FLT3: variants seen among roughly 807,000 people sequenced by gnomAD.
FLT3 encodes the protein receptor-type tyrosine-protein kinase FLT3.
FLT3 carries 46 observed loss-of-function variants against 126.6 expected under a neutral mutation model. That is an observed-to-expected ratio of 0.36 (90% CI 0.29 to 0.46). The LOEUF (loss-of-function observed/expected upper bound fraction) is 0.46. Among genes scored for constraint, FLT3 ranks in the 20% least tolerant of loss-of-function variants. The probability of loss-of-function intolerance (pLI) is 1.00; values close to 1 mark genes in which losing one functional copy is unlikely to be tolerated. For missense variants in FLT3, 1,069 were observed against 1,190.3 expected (o/e 0.90, Z 1.50); for synonymous variants, 404 against 434.4 (o/e 0.93, Z 0.87).
chr13:28,032,427 T>C (rs187597325), intron 15 of FLT3, among the ~76,000 whole-genome samples: 1 of 152,166 alleles, frequency 6.6e-6, no homozygotes, highest in East Asian at 1.9e-4. Flanking sequence ...CTGGGCAACA[T>C]GGCGAAGCCC....
chr13:28,067,197 T>G (rs1593282874), intron 2 of FLT3, among the ~76,000 whole-genome samples: 1 of 28 alleles, frequency 0.036, no homozygotes, highest in Non-Finnish European at 0.062. Context: ...TTATTTTGTA[T>G]TTTTTAGCAG....
intron 3 of FLT3, 108 bp from the exon 4 acceptor site, chr13:28,057,570 G>GCACGGAAGCCGCTCTGTGGAGAACACA: frequency 9.1e-6 from 6 of 662,066 alleles, no homozygotes; most frequent in Non-Finnish European, 1.6e-5. Flanking sequence ...TCCCCGACTG[G>GCACGGAAGCCGCTCTGTGGAGAACACA]CACGGAAGCC....
At chr13:28,050,014 A>G in intron 6 of FLT3, 81 bp downstream of exon 6, 1 of 1,436,730 alleles carries the variant, frequency 7.0e-7, no homozygotes, top group Non-Finnish European at 9.6e-7. Context: ...TTGAATGATC[A>G]CCTACGCAGT....
At chr13:28,034,027 G>A (rs2137673951) in intron 14 of FLT3, 36 bp from the exon 15 acceptor site, 1 of 1,613,062 alleles carries the variant, frequency 6.2e-7, no homozygotes, top group Admixed American at 1.7e-5. Flanking sequence ...GCATTTTAAA[G>A]ATTTTCCAAT....
At chr13:28,028,093 GAGA>G in intron 16 of FLT3, 82 bp downstream of exon 16, 1 of 261,396 alleles carries the variant, frequency 3.8e-6, no homozygotes, top group South Asian at 5.2e-5. Context: ...ATTAAAAAGA[GAGA>G]GAGAGAGAGA....
chr13:28,065,535 G>A (rs929933555), intron 2 of FLT3, among the ~76,000 whole-genome samples: 5 of 152,192 alleles, frequency 3.3e-5, no homozygotes, highest in Non-Finnish European at 7.4e-5. Flanking sequence ...CTTGCTACCC[G>A]GGAGGCTGAG....
intron 1 of FLT3, among the ~76,000 whole-genome samples, chr13:28,091,348 A>C (rs1342928022): frequency 7.8e-4 from 112 of 144,442 alleles, no homozygotes; most frequent in African/African-American, 2.0e-3. Flanking sequence ...CAGCCTCCCG[A>C]GTAGCTGGGA....
At chr13:28,014,105 C>A (rs770900861) in intron 23 of FLT3, among the ~76,000 whole-genome samples, 105 of 151,946 alleles carry the variant, frequency 6.9e-4, no homozygotes, top group Non-Finnish European at 1.3e-3. Context: ...TACCCTATTT[C>A]TACAAAAAAT....
chr13:28,063,588 T>G (rs1876758294), intron 2 of FLT3, among the ~76,000 whole-genome samples: 1 of 152,244 alleles, frequency 6.6e-6, no homozygotes. Flanking sequence ...GAACACAGCA[T>G]GCACACATGC....
chr13:28,040,688 G>A lies in FLT3; in HGVS notation c.1206-3400C>T, dbSNP rs118012670. Among the ~76,000 whole-genome samples the A allele has an allele frequency of 4.0e-4, 61 of 152,292 alleles. 3 individuals are homozygous for A. In the East Asian group the frequency reaches 0.011, roughly 28 times the overall value. ...AATTCATCTCTCTGACCTATCAAAA[G>A]TTTCAGGCAGTTAAAAGTTGACCTT... On this transcript the variant is annotated intron_variant, in intron 9 of 23. Transcript: ENST00000241453.
At chr13:28,072,958 T>C (rs1162239356) in intron 1 of FLT3, among the ~76,000 whole-genome samples, 1 of 151,752 alleles carries the variant, frequency 6.6e-6, no homozygotes. Context: ...TGAGCCAAGA[T>C]CGTGCCACTG....
intron 1 of FLT3, among the ~76,000 whole-genome samples, chr13:28,091,453 C>T (rs1464035420): frequency 1.3e-5 from 2 of 150,816 alleles, no homozygotes; most frequent in Non-Finnish European, 3.0e-5. Context: ...GATCTCCTGA[C>T]CTCGTGATCC....
chr13:28,047,309 T>C (rs1874969557), intron 9 of FLT3, among the ~76,000 whole-genome samples: 1 of 152,192 alleles, frequency 6.6e-6, no homozygotes, highest in African/African-American at 2.4e-5. Flanking sequence ...TCCAAAACCA[T>C]GTTCCATAGC....
chr13:28,071,183 T>G (rs71433254), intron 1 of FLT3, among the ~76,000 whole-genome samples: 4 of 146,622 alleles, frequency 2.7e-5, no homozygotes, highest in African/African-American at 1.0e-4. Flanking sequence ...TTTTTTTTTG[T>G]ATTTTTAGTA....
Position 28,023,312 on chromosome 13 carries a change from C to CTT in FLT3, c.2418+36_2418+37dup, listed in dbSNP as rs5802459. 1,859 of 1,058,498 alleles carry CTT rather than the reference C, an allele frequency of 1.8e-3. 19 individuals are homozygous for CTT. In the African/African-American group the frequency reaches 0.023, roughly 13 times the overall value. The allele number at this position is 1,058,498 out of a possible 1,614,324, so 65.6% of individuals were successfully genotyped here. On this transcript the variant is annotated intron_variant, in intron 19 of 23. Transcript: ENST00000241453. ...CATATATAAGCACATCTTTTCAAAT[C>CTT]TTTTTTTTGGTTTGTTTTTTCTTTA...
intron 18 of FLT3, among the ~76,000 whole-genome samples, chr13:28,024,227 G>C (rs1399611945): frequency 6.6e-6 from 1 of 150,720 alleles, no homozygotes; most frequent in Non-Finnish European, 1.5e-5. Flanking sequence ...TGCCTCTTGG[G>C]TTCAAGCAAT....
intron 4 of FLT3, among the ~76,000 whole-genome samples, chr13:28,054,073 T>A (rs1334723211): frequency 6.6e-6 from 1 of 152,206 alleles, no homozygotes; most frequent in African/African-American, 2.4e-5. Context: ...TACTGAGGCA[T>A]GTGTATAACA....
intron 23 of FLT3, among the ~76,000 whole-genome samples, chr13:28,008,506 G>A (rs1244759301): frequency 5.9e-5 from 9 of 151,714 alleles, no homozygotes; most frequent in Non-Finnish European, 1.0e-4. Flanking sequence ...ACAGAGTTTC[G>A]TTCTGTTTGC....
rs1370805863 is a variant in FLT3, at chr13:28,061,873, T to C, written c.362A>G (p.Gln121Arg). Residue 121 changes from glutamine (Q) to arginine (R), a missense_variant, in exon 3 of 24, where the codon CAA becomes CGA. Gln to Arg is a conservative substitution (Grantham distance 43). Coordinates refer to ENST00000241453, the MANE Select transcript of FLT3 (RefSeq NM_004119.3). ...AAGGTATTCCTCCACTTACCTGTTTTGTAAATCAAAATGTGGCTGGCAATT... is the reference window on the plus strand; with the variant it reads ...AAGGTATTCCTCCACTTACCTGTTTCGTAAATCAAAATGTGGCTGGCAATT... ...SLNCQPHFDL[Q>R]NRGVVSMVIL... 4 of 1,613,482 alleles carry C rather than the reference T, an allele frequency of 2.5e-6. No individual in the cohort carries two copies. The East Asian group carries it at 8.9e-5, about 36-fold the overall frequency.
Sources: gnomAD v4.1 joint callset for allele counts (sites outside exome capture counted in the v4.1 genomes callset) on GRCh38, gnomAD v4.1.1 for gene constraint, MANE v1.5 for transcripts, NCBI Gene and HGNC (gene_info 2026-07-23, HGNC 2026-07-21) for gene names.